SLC9A7: variants seen among roughly 807,000 people sequenced by gnomAD.
SLC9A7 encodes the protein sodium/hydrogen exchanger 7.
SLC9A7 carries 19 observed loss-of-function variants against 52.6 expected under a neutral mutation model. That is an observed-to-expected ratio of 0.36 (90% CI 0.25 to 0.53). The LOEUF (loss-of-function observed/expected upper bound fraction) is 0.53, where lower values mean the gene tolerates loss of function less well. Among genes scored for constraint, SLC9A7 ranks in the 20% least tolerant of loss-of-function variants. The pLI is 0.91. For synonymous variants in SLC9A7, 226 were observed against 252.1 expected (o/e 0.90, Z 0.98); for missense variants, 455 against 597.9 (o/e 0.76, Z 2.49).
intron 1 of SLC9A7, among the ~76,000 whole-genome samples, chrX:46,715,481 T>C (rs1369229146): frequency 1.8e-5 from 2 of 111,718 alleles, no homozygotes; most frequent in African/African-American, 3.3e-5. Context: ...ATAACTACAT[T>C]ATGATTCACT....
At chrX:46,738,413 C>A (rs1921044485) in intron 1 of SLC9A7, among the ~76,000 whole-genome samples, 1 of 112,111 alleles carries the variant, frequency 8.9e-6, no homozygotes, top group Non-Finnish European at 1.9e-5. Flanking sequence ...GGAAACCCAA[C>A]TCTATTTAGG....
intron 1 of SLC9A7, among the ~76,000 whole-genome samples, chrX:46,705,485 G>A (rs1433121060): frequency 8.9e-6 from 1 of 112,119 alleles, no homozygotes; most frequent in Non-Finnish European, 1.9e-5. Context: ...GGTGGCTCAC[G>A]CCTGTAATTC....
Position 46,682,390 on chromosome X carries a change from T to G in SLC9A7, c.471A>C (p.Gly157=). The G allele has an allele frequency of 8.3e-7, 1 of 1,211,730 alleles. No homozygotes were observed. The highest frequency in any genetic ancestry group is 3.0e-5 in the East Asian group (1 of 33,861). The part of the protein sequence containing the change: ...SGKFFEYTLK[G]EISPGKINSV... ...TGTTGATCTTGCCAGGACTGATTTC[T>G]CCTTTCAGAGTGTATTCGAAGAACT... The change falls in exon 2 of 17, where the codon GGA becomes GGC. Residue 157 remains glycine, a synonymous_variant. Transcript: ENST00000616978.
At chrX:46,654,944 C>T (rs1350531318) in intron 7 of SLC9A7, among the ~76,000 whole-genome samples, 1 of 107,895 alleles carries the variant, frequency 9.3e-6, no homozygotes, top group African/African-American at 3.4e-5. Context: ...AAGAGCAACA[C>T]ACACACTGTA....
intron 1 of SLC9A7, among the ~76,000 whole-genome samples, chrX:46,734,717 ATTGT>A (rs1437147517): frequency 2.7e-5 from 3 of 110,116 alleles, no homozygotes; most frequent in Non-Finnish European, 5.7e-5. Flanking sequence ...CACCACACTT[ATTGT>A]TTTTTTAAAT....
intron 1 of SLC9A7, among the ~76,000 whole-genome samples, chrX:46,697,524 C>A (rs1031093951): frequency 8.9e-6 from 1 of 111,931 alleles, no homozygotes; most frequent in Non-Finnish European, 1.9e-5. Context: ...AATCTCTAAA[C>A]ATAAATTGTA....
At chrX:46,664,087 C>T in intron 5 of SLC9A7, among the ~76,000 whole-genome samples, 1 of 111,853 alleles carries the variant, frequency 8.9e-6, no homozygotes. Flanking sequence ...TGACTGAGAA[C>T]CACCGATCTA....
intron 1 of SLC9A7, chrX:46,685,838 GA>G (rs1230165650): frequency 4.5e-5 from 5 of 111,985 alleles, no homozygotes; most frequent in African/African-American, 1.6e-4. Flanking sequence ...CAGCTATTTG[GA>G]ACATGATTTA....
At chrX:46,738,281 T>C (rs1210219557) in intron 1 of SLC9A7, among the ~76,000 whole-genome samples, 1 of 111,788 alleles carries the variant, frequency 8.9e-6, no homozygotes, top group Non-Finnish European at 1.9e-5. Context: ...ATTTGGCCTT[T>C]TGAGGCAGAA....
intron 8 of SLC9A7, among the ~76,000 whole-genome samples, chrX:46,652,813 A>G (rs959177097): frequency 1.6e-4 from 18 of 111,979 alleles, no homozygotes; most frequent in Non-Finnish European, 3.0e-4. Context: ...CACTAATACT[A>G]TATGAAACTG....
chrX:46,717,459 A>G (rs985171851), intron 1 of SLC9A7, among the ~76,000 whole-genome samples: 1 of 111,706 alleles, frequency 9.0e-6, no homozygotes, highest in Non-Finnish European at 1.9e-5. Context: ...AGCTCACTGC[A>G]ACCTCCACCT....
At position 46,599,252 on chromosome X, in the gene SLC9A7, C is replaced by A. The variant is rs1217321869; in HGVS notation, c.*7700G>T. 3 of 111,802 alleles carry A rather than the reference C, an allele frequency of 2.7e-5. No homozygotes were observed. Among genetic ancestry groups the A allele is most frequent in the Non-Finnish European group, 5.6e-5 (3 of 53,178 alleles). 9.2% of individuals were successfully genotyped at this position (111,802 alleles called of 1,213,427 possible). ...CAGTAAGCAAATGAATGAGCCTAGT[C>A]ATGCCAATAAAACTTTATTTACAAA... On this transcript the variant is annotated 3_prime_UTR_variant, in exon 17 of 17. Coordinates refer to ENST00000616978, the MANE Select transcript of SLC9A7 (RefSeq NM_001257291.2).
chrX:46,606,694 G>T lies in SLC9A7; in HGVS notation c.*258C>A, dbSNP rs750503719. The T allele has an allele frequency of 2.4e-4, 246 of 1,030,074 alleles. No homozygotes were observed. In the African/African-American group the frequency reaches 2.5e-3, roughly 10 times the overall value. 84.9% of individuals were successfully genotyped at this position (1,030,074 alleles called of 1,213,427 possible). On this transcript the variant is annotated 3_prime_UTR_variant, in exon 17 of 17. Transcript: ENST00000616978. ...CCATTAAAGCATGCTATTTTTTTTT[G>T]TTTGTTTAACTCTGAAACAGCGCAC...
In SLC9A7 at chrX:46,600,558, A is replaced by G. The variant is rs1942645757; in HGVS notation, c.*6394T>C. 1 of 112,213 alleles carries G rather than the reference A, an allele frequency of 8.9e-6. No homozygotes were observed. The highest frequency in any genetic ancestry group is 1.9e-5 in the Non-Finnish European group (1 of 53,305). The allele number at this position is 112,213 out of a possible 1,213,427, so 9.2% of individuals were successfully genotyped here. ...GTTCCATATGGGCCACGACTATAGT[A>G]TACCCTGCTTACAAAAATAAGACTA... is the stretch of plus-strand genomic sequence containing the variant. On this transcript the variant is annotated 3_prime_UTR_variant, in exon 17 of 17. Transcript: ENST00000616978.
chrX:46,691,791 A>T (rs914836787), intron 1 of SLC9A7, among the ~76,000 whole-genome samples: 10 of 111,267 alleles, frequency 9.0e-5, no homozygotes, highest in Non-Finnish European at 5.7e-5. Context: ...TGTCCAGCAA[A>T]GGCACAGGAC....
At chrX:46,651,709 G>A (rs182091994) in intron 8 of SLC9A7, among the ~76,000 whole-genome samples, 3,156 of 108,802 alleles carry the variant, frequency 0.029, 107 homozygotes, top group South Asian at 0.11. Flanking sequence ...TGGGCCTGTG[G>A]CCCAGCTACT....
intron 16 of SLC9A7, among the ~76,000 whole-genome samples, chrX:46,608,547 C>T (rs1185792509): frequency 3.6e-5 from 4 of 112,654 alleles, no homozygotes; most frequent in Non-Finnish European, 7.5e-5. Flanking sequence ...ATGCTCAGAG[C>T]ACAGTTCTAA....
At chrX:46,622,788 CAATT>C (rs747441902) in intron 14 of SLC9A7, among the ~76,000 whole-genome samples, 166 of 111,645 alleles carry the variant, frequency 1.5e-3, no homozygotes, top group African/African-American at 5.1e-3. Context: ...CCAAAAAAGA[CAATT>C]AAAATGAGTA....
At chrX:46,614,568 T>G (rs1435264956) in intron 15 of SLC9A7, among the ~76,000 whole-genome samples, 2 of 111,726 alleles carry the variant, frequency 1.8e-5, no homozygotes, top group Non-Finnish European at 3.8e-5. Context: ...AAAAATGTCT[T>G]CAAAAAATTG....
Sources: gnomAD v4.1 joint callset for allele counts (sites outside exome capture counted in the v4.1 genomes callset) on GRCh38, gnomAD v4.1.1 for gene constraint, MANE v1.5 for transcripts, NCBI Gene and HGNC (gene_info 2026-07-23, HGNC 2026-07-21) for gene names.